Variants in ZMYND11 observed in about 807,000 individuals in gnomAD.
ZMYND11 encodes zinc finger MYND domain-containing protein 11.
Under a neutral mutation model 84.9 loss-of-function variants are expected in ZMYND11, and 9 were observed. The ratio of observed to expected loss-of-function variants is 0.11; its 90% CI spans 0.06 to 0.18. The LOEUF (loss-of-function observed/expected upper bound fraction) is 0.18. Among genes scored for constraint, ZMYND11 ranks in the 10% least tolerant of loss-of-function variants. The probability of loss-of-function intolerance (pLI) is 1.00; values close to 1 mark genes in which losing one functional copy is unlikely to be tolerated. For synonymous variants in ZMYND11, 250 were observed against 244.1 expected (o/e 1.02, Z -0.23); for missense variants, 409 against 761.0 (o/e 0.54, Z 5.44).
intron 10 of ZMYND11, among the ~76,000 whole-genome samples, chr10:242,639 TGA>T (rs943830180): frequency 5.9e-5 from 9 of 152,110 alleles, no homozygotes; most frequent in Admixed American, 1.3e-4. Context: ...ACACAGATAT[TGA>T]GATAAGGTGA....
In ZMYND11 at chr10:250,281, A is replaced by G. The variant is rs61836359; in HGVS notation, c.1686+1193A>G. Among the ~76,000 whole-genome samples the G allele has an allele frequency of 6.5e-3, 996 of 152,272 alleles. 3 individuals are homozygous for G. Among genetic ancestry groups the G allele is most frequent in the Non-Finnish European group, 0.01 (714 of 68,014 alleles). On this transcript the variant is annotated intron_variant, in intron 14 of 14. Transcript: ENST00000381604. ...AAGAATGACTGAATTTGTGTGATCA[A>G]CTCTCACAATATCATTAGATGGGAA...
chr10:140,806 G>A (rs1036669827), intron 1 of ZMYND11, among the ~76,000 whole-genome samples: 1 of 152,210 alleles, frequency 6.6e-6, no homozygotes, highest in African/African-American at 2.4e-5. Flanking sequence ...AGGTAATTGT[G>A]AAGTTACAGT....
At chr10:139,984 G>T (rs1010850785) in intron 1 of ZMYND11, among the ~76,000 whole-genome samples, 3 of 152,092 alleles carry the variant, frequency 2.0e-5, no homozygotes, top group African/African-American at 7.2e-5. Flanking sequence ...GGGATTACAG[G>T]CATGAGCCAC....
At chr10:242,273 A>G in intron 10 of ZMYND11, 134 bp downstream of exon 10, 1 of 1,334,636 alleles carries the variant, frequency 7.5e-7, no homozygotes, top group Middle Eastern at 1.9e-4. Context: ...GCATCCAAGA[A>G]TACGTTCCAA....
intron 1 of ZMYND11, among the ~76,000 whole-genome samples, chr10:166,696 AG>A (rs1285655133): frequency 6.6e-6 from 1 of 152,138 alleles, no homozygotes; most frequent in Non-Finnish European, 1.5e-5. Context: ...ATTCTTCAAA[AG>A]GTTAAATGTA....
chr10:206,827 T>C (rs1286000670), intron 2 of ZMYND11, among the ~76,000 whole-genome samples: 4 of 151,978 alleles, frequency 2.6e-5, no homozygotes, highest in Non-Finnish European at 5.9e-5. Flanking sequence ...AATGTTTTAA[T>C]TTTTATTTTT....
chr10:168,346 G>A (rs868943999), intron 1 of ZMYND11, among the ~76,000 whole-genome samples: 1 of 152,000 alleles, frequency 6.6e-6, no homozygotes, highest in Non-Finnish European at 1.5e-5. Flanking sequence ...CAGGCATGGT[G>A]GTATGTGTAC....
chr10:229,582 T>C (rs1948661411), intron 4 of ZMYND11, among the ~76,000 whole-genome samples: 1 of 152,226 alleles, frequency 6.6e-6, no homozygotes, highest in Admixed American at 6.5e-5. Context: ...TCGAGTTTTC[T>C]ACCATTAATA....
At chr10:238,603 G>C (rs1008107469) in intron 6 of ZMYND11, among the ~76,000 whole-genome samples, 6 of 152,090 alleles carry the variant, frequency 3.9e-5, no homozygotes, top group Non-Finnish European at 5.9e-5. Flanking sequence ...TGATCTGCCC[G>C]CCTCGGCCTC....
chr10:188,591 CAAA>C (rs57541654), intron 2 of ZMYND11, among the ~76,000 whole-genome samples: 43 of 120,068 alleles, frequency 3.6e-4, no homozygotes, highest in East Asian at 4.7e-4. Context: ...GACCCTGTCT[CAAA>C]AAAAAAAAAA....
chr10:152,765 C>T (rs2131346302), intron 1 of ZMYND11, among the ~76,000 whole-genome samples: 1 of 152,298 alleles, frequency 6.6e-6, no homozygotes, highest in South Asian at 2.1e-4. Flanking sequence ...ATGCATTCTT[C>T]TCAGCACCAC....
intron 2 of ZMYND11, among the ~76,000 whole-genome samples, chr10:197,051 G>T (rs961587011): frequency 6.6e-6 from 1 of 150,484 alleles, no homozygotes; most frequent in African/African-American, 2.4e-5. Flanking sequence ...GTGTGCCCAC[G>T]TGCGCAATGT....
chr10:224,233 C>T (rs1042826184), intron 4 of ZMYND11, among the ~76,000 whole-genome samples: 2 of 152,158 alleles, frequency 1.3e-5, no homozygotes, highest in Non-Finnish European at 2.9e-5. Flanking sequence ...TTTAATTCAG[C>T]TCAAGCAGCT....
rs112895969 is a variant in ZMYND11, at chr10:141,925, G to C, written c.-20+6366G>C. Among the ~76,000 whole-genome samples, 192 of 152,228 alleles carry C rather than the reference G, an allele frequency of 1.3e-3. 1 individual carries two copies. Among genetic ancestry groups the C allele is most frequent in the African/African-American group, 4.5e-3 (186 of 41,532 alleles). On this transcript the variant is annotated intron_variant, in intron 1 of 14. Coordinates refer to ENST00000381604, the MANE Select transcript of ZMYND11 (RefSeq NM_001370100.5). ...CATACAATATTAGCTCTCATAACTC[G>C]GGTTAAAAAGGCTATTTTTAAAAAT... is the stretch of plus-strand genomic sequence containing the variant.
intron 13 of ZMYND11, 116 bp downstream of exon 13, chr10:248,724 C>T: frequency 7.1e-7 from 1 of 1,403,820 alleles, no homozygotes; most frequent in Non-Finnish European, 9.4e-7. Context: ...CATATAATGA[C>T]ACCAGTATCT....
chr10:153,971 A>G (rs1231959876), intron 1 of ZMYND11, among the ~76,000 whole-genome samples: 1 of 152,212 alleles, frequency 6.6e-6, no homozygotes, highest in Non-Finnish European at 1.5e-5. Flanking sequence ...AGCACTAGCC[A>G]AGAAGGGTTT....
intron 2 of ZMYND11, among the ~76,000 whole-genome samples, chr10:205,566 T>C (rs1209688696): frequency 6.6e-6 from 1 of 152,038 alleles, no homozygotes; most frequent in Non-Finnish European, 1.5e-5. Flanking sequence ...GGTGTGTGGC[T>C]GTAATCCCAG....
intron 14 of ZMYND11, among the ~76,000 whole-genome samples, chr10:251,692 C>T (rs1026390468): frequency 6.6e-6 from 1 of 152,152 alleles, no homozygotes; most frequent in African/African-American, 2.4e-5. Context: ...TCTCTTCTCC[C>T]ATGACCAAAG....
rs142707288 is a variant in ZMYND11, at chr10:156,112, G to A, written c.-20+20553G>A. Among the ~76,000 whole-genome samples the A allele has an allele frequency of 4.9e-3, 751 of 152,264 alleles. 4 individuals carry two copies. Among genetic ancestry groups the A allele is most frequent in the African/African-American group, 0.017 (726 of 41,554 alleles). On this transcript the variant is annotated intron_variant, in intron 1 of 14. Transcript: ENST00000381604. ...AGACAATTTTGATCATCATGCCTTG[G>A]AGGATACTATGGGTTTCAACTGGGT...
Sources: allele counts gnomAD v4.1 joint callset (sites outside exome capture counted in the v4.1 genomes callset), GRCh38; gene constraint gnomAD v4.1.1; transcripts MANE v1.5; gene names NCBI Gene and HGNC (gene_info 2026-07-23, HGNC 2026-07-21).